Variants in PRKN observed in about 807,000 individuals in gnomAD.
The protein encoded by PRKN is parkin RBR E3 ubiquitin protein ligase, also known as E3 ubiquitin-protein ligase parkin.
PRKN carries 56 observed loss-of-function variants against 59.5 expected under a neutral mutation model. The ratio of observed to expected loss-of-function variants is 0.94; its 90% CI spans 0.76 to 1.18. PRKN has a LOEUF of 1.18. Among genes scored for constraint, PRKN ranks in the 50% most tolerant of loss-of-function variants. The pLI is 0.00. For synonymous variants in PRKN, 250 were observed against 222.1 expected, an observed-to-expected ratio of 1.13 and a Z score of -1.12; for missense variants, 657 against 596.4, an observed-to-expected ratio of 1.10 and a Z score of -1.06.
chr6:162,393,155 C>CTTGTTTTTTTTTTTTTTTT (rs1787290413), intron 2 of PRKN, among the ~76,000 whole-genome samples: 1 of 80,190 alleles, frequency 1.2e-5, no homozygotes, highest in African/African-American at 5.4e-5. Context: ...ATAGGAGATT[C>CTTGTTTTTTTTTTTTTTTT]TTTTTTTTTT....
chr6:162,163,422 C>T (rs1782844410), intron 4 of PRKN, among the ~76,000 whole-genome samples: 2 of 149,192 alleles, frequency 1.3e-5, no homozygotes, highest in South Asian at 4.2e-4. Context: ...TTTCTTTTAG[C>T]TGAAATAACA....
chr6:162,564,006 T>C (rs1779957514), intron 1 of PRKN, among the ~76,000 whole-genome samples: 1 of 151,736 alleles, frequency 6.6e-6, no homozygotes. Flanking sequence ...CACAATAAAT[T>C]ATGCCTTGCC....
At chr6:162,539,346 T>C (rs1285128905) in intron 1 of PRKN, among the ~76,000 whole-genome samples, 2 of 152,236 alleles carry the variant, frequency 1.3e-5, no homozygotes, top group Non-Finnish European at 2.9e-5. Context: ...TTTGGAAACC[T>C]GACCAATGAT....
intron 1 of PRKN, among the ~76,000 whole-genome samples, chr6:162,547,910 T>C (rs1779181200): frequency 6.6e-6 from 1 of 150,932 alleles, no homozygotes; most frequent in Admixed American, 6.6e-5. Flanking sequence ...CAAGATCCGA[T>C]AAGAAGTTGC....
chr6:162,365,754 C>T (rs1785405030), intron 2 of PRKN, among the ~76,000 whole-genome samples: 1 of 152,136 alleles, frequency 6.6e-6, no homozygotes, highest in Non-Finnish European at 1.5e-5. Context: ...TTTATACCTT[C>T]TCGGTTTATT....
At chr6:161,368,151 C>T (rs1013446367) in intron 10 of PRKN, among the ~76,000 whole-genome samples, 1 of 151,330 alleles carries the variant, frequency 6.6e-6, no homozygotes, top group Non-Finnish European at 1.5e-5. Context: ...TGTGGCCAGG[C>T]GCAGTGGCTC....
At chr6:161,505,729 C>A (rs1778142162) in intron 9 of PRKN, among the ~76,000 whole-genome samples, 1 of 70,872 alleles carries the variant, frequency 1.4e-5, no homozygotes, top group South Asian at 4.5e-4. Flanking sequence ...GATCCAGTTT[C>A]AGCTTTCTAC....
At chr6:162,002,536 T>G (rs1262237481) in intron 5 of PRKN, among the ~76,000 whole-genome samples, 4 of 151,936 alleles carry the variant, frequency 2.6e-5, no homozygotes, top group African/African-American at 9.7e-5. Context: ...CCTTTCTTAC[T>G]TAACATGGAT....
chr6:161,717,601 T>C (rs1321305757), intron 7 of PRKN, among the ~76,000 whole-genome samples: 1 of 152,196 alleles, frequency 6.6e-6, no homozygotes, highest in East Asian at 1.9e-4. Context: ...CTTCCGGTGT[T>C]CCTAATTCGT....
intron 6 of PRKN, among the ~76,000 whole-genome samples, chr6:161,811,464 C>T (rs185823775): frequency 6.6e-6 from 1 of 152,224 alleles, no homozygotes; most frequent in East Asian, 1.9e-4. Context: ...GCCAAGGTAG[C>T]TCAACGGGAG....
chr6:162,046,736 C>T (rs562605346), intron 5 of PRKN, among the ~76,000 whole-genome samples: 93 of 152,182 alleles, frequency 6.1e-4, no homozygotes, highest in African/African-American at 2.1e-3. Flanking sequence ...ATGGTTATCT[C>T]ACAGAAAAAG....
At chr6:161,838,188 T>C (rs910957089) in intron 6 of PRKN, among the ~76,000 whole-genome samples, 5 of 152,240 alleles carry the variant, frequency 3.3e-5, no homozygotes, top group South Asian at 4.1e-4. Context: ...CTTAAAACCA[T>C]GCTATGGTTT....
chr6:161,499,971 T>C lies in PRKN; in HGVS notation c.1083+48883A>G, dbSNP rs912128948. 3.9e-5 allele frequency among the ~76,000 whole-genome samples: 6 copies of C among 152,100 alleles called. No individual in the cohort carries two copies. Among genetic ancestry groups the C allele is most frequent in the African/African-American group, 1.4e-4 (6 of 41,400 alleles). On this transcript the variant is annotated intron_variant, in intron 9 of 11. Transcript: ENST00000366898. This position sits in a 1 kb window ranked among gnomAD's most constrained non-coding sequence, Gnocchi z 4.2. ...GTTGTCTTCTGAATGCTGCCCTCAC[T>C]CTCCTCCTTCCCCACTTTTGTTCAT...
At chr6:162,524,622 T>C (rs1050769989) in intron 1 of PRKN, among the ~76,000 whole-genome samples, 2 of 152,278 alleles carry the variant, frequency 1.3e-5, no homozygotes, top group African/African-American at 2.4e-5. Context: ...CAAAAACAAC[T>C]GATGCATTGT....
At position 161,525,130 on chromosome 6, in the gene PRKN, G is replaced by GGTGTGTGT. The variant is rs61133511; in HGVS notation, c.1083+23716_1083+23723dup. 3.3e-5 allele frequency among the ~76,000 whole-genome samples: 5 copies of GGTGTGTGT among 149,320 alleles called. No individual in the cohort carries two copies. The highest frequency in any genetic ancestry group is 9.8e-5 in the African/African-American group (4 of 40,646). The stretch of plus-strand genomic sequence containing the variant: ...TGACACATTCATTCATTTTCTAAAA[G>GGTGTGTGT]GTGTGTGTGTGTGTGTGTGTGTATG... On this transcript the variant is annotated intron_variant, in intron 9 of 11. Transcript: ENST00000366898. The surrounding 1 kb of genome is among the most constrained non-coding windows in gnomAD (Gnocchi z 4.7).
At chr6:162,050,848 G>A (rs1777608274) in intron 5 of PRKN, among the ~76,000 whole-genome samples, 1 of 152,142 alleles carries the variant, frequency 6.6e-6, no homozygotes, top group South Asian at 2.1e-4. Context: ...TGGCCACACA[G>A]CTGGAGTTGA....
intron 5 of PRKN, among the ~76,000 whole-genome samples, chr6:162,024,049 A>G (rs1783318134): frequency 6.6e-6 from 1 of 152,076 alleles, no homozygotes; most frequent in African/African-American, 2.4e-5. Context: ...TGGTATATTG[A>G]TAGGAATGAC....
chr6:162,264,909 A>G lies in PRKN; in HGVS notation c.172-2144T>C, dbSNP rs111262943. On this transcript the variant is annotated intron_variant, in intron 2 of 11. Transcript: ENST00000366898. ...ATCGGCAAGGCACCAACAGTTAGCA[A>G]TTCTGTCTCAGAATTACCCTTCACA... 3.2e-3 allele frequency among the ~76,000 whole-genome samples: 494 copies of G among 152,174 alleles called. 4 individuals carry two copies. Among genetic ancestry groups the G allele is most frequent in the African/African-American group, 0.011 (474 of 41,510 alleles).
rs933536278 is a variant in PRKN, at chr6:161,560,636, C to T, written c.933+8719G>A. 6.6e-6 allele frequency among the ~76,000 whole-genome samples: 1 copy of T among 152,156 alleles called. No individual in the cohort carries two copies. The highest frequency in any genetic ancestry group is 2.4e-5 in the African/African-American group (1 of 41,436). On this transcript the variant is annotated intron_variant, in intron 8 of 11. Coordinates refer to ENST00000366898, the MANE Select transcript of PRKN (RefSeq NM_004562.3). This position sits in a 1 kb window ranked among gnomAD's most constrained non-coding sequence, Gnocchi z 4.9. ...CTGACCTTTTTCTCATCCTTCTATT[C>T]GCACGGTCCATCCCCAGGCTCTGTC... is the stretch of plus-strand genomic sequence containing the variant.
Sources: allele counts gnomAD v4.1 joint callset (sites outside exome capture counted in the v4.1 genomes callset), GRCh38; gene constraint gnomAD v4.1.1; non-coding constraint Gnocchi (gnomAD v3.1); transcripts MANE v1.5; gene names NCBI Gene and HGNC (gene_info 2026-07-23, HGNC 2026-07-21).